FRY: variants seen among roughly 807,000 people sequenced by gnomAD.
The protein encoded by FRY is protein furry homolog.
FRY carries 128 observed loss-of-function variants against 348.4 expected under a neutral mutation model. The observed-to-expected ratio is 0.37, with a 90% CI of 0.32 to 0.43. The LOEUF (loss-of-function observed/expected upper bound fraction) is 0.43, where lower values mean the gene tolerates loss of function less well. FRY is among the 20% of genes least tolerant of loss of function. The pLI is 1.00. For synonymous variants in FRY, 1,370 were observed against 1,374.7 expected (o/e 1.00, Z 0.08); for missense variants, 2,736 against 3,695.2 (o/e 0.74, Z 6.73).
In FRY at chr13:32,237,316, A is replaced by G; in HGVS notation, c.5811-63A>G. ...CCTGCAGTGTTTCTCAGTGGACTTG[A>G]AAGGACTGGCTTTTGGTGACACATG... On this transcript the variant is annotated intron_variant, in intron 43 of 60. Coordinates refer to ENST00000542859, the MANE Select transcript of FRY (RefSeq NM_023037.3). This position sits in a 1 kb window ranked among gnomAD's most constrained non-coding sequence, Gnocchi z 6.3. 1 of 1,556,938 alleles carries G rather than the reference A, an allele frequency of 6.4e-7. No individual in the cohort carries two copies. Among genetic ancestry groups the G allele is most frequent in the Non-Finnish European group, 8.8e-7 (1 of 1,134,854 alleles).
chr13:32,288,924 T>C (rs919181654), intron 58 of FRY, among the ~76,000 whole-genome samples: 3 of 152,226 alleles, frequency 2.0e-5, no homozygotes, highest in African/African-American at 7.2e-5. Context: ...CCTCATACTA[T>C]ACATAAGCTG....
Position 32,289,677 on chromosome 13 carries a change from G to C in FRY, c.8514G>C (p.Leu2838=), listed in dbSNP as rs562993917. ...CQRLYKLHFQ[L]LLLFQSYCKL... Reference sequence around the variant, plus strand: ...GATTATATAAGCTACACTTCCAGCTGCTATTGCTTTTTCAGTCCTACTGTA... The same window carrying C: ...GATTATATAAGCTACACTTCCAGCTCCTATTGCTTTTTCAGTCCTACTGTA... Residue 2838 remains leucine, a synonymous_variant, in exon 59 of 61, where the codon CTG becomes CTC. Transcript: ENST00000542859. 399 of 1,612,736 alleles carry C rather than the reference G, an allele frequency of 2.5e-4. 2 individuals are homozygous for C. The South Asian group carries it at 4.2e-3, about 17-fold the overall frequency.
At chr13:32,270,490 C>T (rs1321459092) in intron 55 of FRY, among the ~76,000 whole-genome samples, 3 of 152,138 alleles carry the variant, frequency 2.0e-5, no homozygotes, top group East Asian at 1.9e-4. Flanking sequence ...TACAGGCATG[C>T]GCCACGGCGC....
chr13:32,282,677 G>A (rs910168418), intron 58 of FRY, among the ~76,000 whole-genome samples: 2 of 152,124 alleles, frequency 1.3e-5, no homozygotes, highest in Non-Finnish European at 2.9e-5. Context: ...TCTTTGTTGG[G>A]TGCTGAATAT....
intron 17 of FRY, among the ~76,000 whole-genome samples, chr13:32,169,138 C>G (rs1881915201): frequency 6.6e-6 from 1 of 152,178 alleles, no homozygotes; most frequent in South Asian, 2.1e-4. Context: ...TATCTTTGGC[C>G]TCTGTCTGCC....
chr13:32,137,417 A>C (rs1879789229), intron 11 of FRY, among the ~76,000 whole-genome samples: 1 of 152,136 alleles, frequency 6.6e-6, no homozygotes, highest in African/African-American at 2.4e-5. Context: ...AATTCTAAAT[A>C]TTTTGCTCAG....
chr13:32,171,015 C>G lies in FRY; in HGVS notation c.1896C>G (p.Leu632=), dbSNP rs188902083. The change falls in exon 18 of 61, where the codon CTC becomes CTG. Residue 632 remains leucine (L), a synonymous_variant. Coordinates refer to ENST00000542859, the MANE Select transcript of FRY (RefSeq NM_023037.3). ...KLELIDLLAR[L]SIHMDDELRH... ...TTTTCCTTTATTCGTTTCACAGGCT[C>G]TCTATTCATATGGATGATGAATTGC... 2.5e-6 allele frequency: 4 copies of G among 1,604,310 alleles called. No individual in the cohort carries two copies. Among genetic ancestry groups the G allele is most frequent in the African/African-American group, 1.3e-5 (1 of 74,702 alleles).
intron 31 of FRY, among the ~76,000 whole-genome samples, chr13:32,208,580 T>C (rs550828193): frequency 3.4e-4 from 52 of 152,290 alleles, no homozygotes; most frequent in African/African-American, 1.2e-3. Context: ...ATATACATCT[T>C]CCGCTAGCAG....
chr13:32,250,141 C>T (rs981597101), intron 49 of FRY, among the ~76,000 whole-genome samples: 4 of 152,308 alleles, frequency 2.6e-5, no homozygotes, highest in Middle Eastern at 3.4e-3. Flanking sequence ...TGTCCATGCA[C>T]GGGCTGAGCC....
chr13:32,097,315 T>C (rs1443918064), intron 2 of FRY, among the ~76,000 whole-genome samples: 1 of 151,988 alleles, frequency 6.6e-6, no homozygotes, highest in African/African-American at 2.4e-5. Flanking sequence ...GTTTCTAGTA[T>C]GTATAAAAGA....
At position 32,209,129 on chromosome 13, in the gene FRY, G is replaced by A. The variant is rs1324475879; in HGVS notation, c.4275+20G>A. ...GCCAAGGTAAACTCAGAGGAATTGT[G>A]CTTCAAATAGCATGGCTCCATCATC... On this transcript the variant is annotated intron_variant, in intron 32 of 60. Coordinates refer to ENST00000542859, the MANE Select transcript of FRY (RefSeq NM_023037.3). 6.2e-7 allele frequency: 1 copy of A among 1,613,742 alleles called. No homozygotes were observed. The highest frequency in any genetic ancestry group is 8.5e-7 in the Non-Finnish European group (1 of 1,179,938).
intron 2 of FRY, 86 bp from the exon 3 acceptor site, chr13:32,101,877 G>GA (rs958202182): frequency 1.4e-4 from 117 of 832,456 alleles, no homozygotes; most frequent in Non-Finnish European, 2.3e-4. Flanking sequence ...AAATGAGTGA[G>GA]AAAAAATGGA....
intron 17 of FRY, among the ~76,000 whole-genome samples, chr13:32,170,137 A>G (rs1424871956): frequency 2.0e-5 from 3 of 152,212 alleles, no homozygotes; most frequent in Non-Finnish European, 1.5e-5. Context: ...TTAGGACCAC[A>G]GGCCTGACTC....
chr13:32,093,977 T>A (rs1441607700), intron 2 of FRY, among the ~76,000 whole-genome samples: 2 of 152,280 alleles, frequency 1.3e-5, no homozygotes, highest in Non-Finnish European at 2.9e-5. Flanking sequence ...TGAAGTATAC[T>A]GTTCTTACTT....
intron 41 of FRY, among the ~76,000 whole-genome samples, chr13:32,231,575 C>T (rs922450928): frequency 6.6e-6 from 1 of 152,220 alleles, no homozygotes; most frequent in Non-Finnish European, 1.5e-5. Context: ...GTGCCTATAA[C>T]ATTTTCTTTA....
chr13:32,220,570 G>A (rs931692981), intron 36 of FRY, among the ~76,000 whole-genome samples: 2 of 152,244 alleles, frequency 1.3e-5, no homozygotes, highest in Non-Finnish European at 2.9e-5. Flanking sequence ...AGTAGTACTT[G>A]AGAAATGGAG....
rs186744917 is a variant in FRY at position 32,047,718 on chromosome 13, G to A, written c.70+15853G>A. 3.1e-3 allele frequency among the ~76,000 whole-genome samples: 418 copies of A among 133,614 alleles called. 3 individuals carry two copies. The highest frequency in any genetic ancestry group is 0.011 in the African/African-American group (398 of 34,672). 87.7% of individuals were successfully genotyped at this position (133,614 alleles called of 152,430 possible). On this transcript the variant is annotated intron_variant, in intron 1 of 60. Transcript: ENST00000542859. ...CCCAAGTAGCTGGGATTATAGGCACGCACCACCACTCCTGGCTAGTTTTTT... is the reference window on the plus strand; with the variant it reads ...CCCAAGTAGCTGGGATTATAGGCACACACCACCACTCCTGGCTAGTTTTTT...
intron 2 of FRY, among the ~76,000 whole-genome samples, chr13:32,079,796 C>T (rs936296242): frequency 6.6e-6 from 1 of 152,160 alleles, no homozygotes; most frequent in Admixed American, 6.5e-5. Context: ...CAGGGCCACA[C>T]ACCATAAAAG....
At chr13:32,152,103 A>G (rs988134166) in intron 14 of FRY, among the ~76,000 whole-genome samples, 1 of 152,226 alleles carries the variant, frequency 6.6e-6, no homozygotes, top group Non-Finnish European at 1.5e-5. Context: ...AGAGAAATCA[A>G]AGAAGACCCA....
Sources: allele counts gnomAD v4.1 joint callset (sites outside exome capture counted in the v4.1 genomes callset), GRCh38; gene constraint gnomAD v4.1.1; non-coding constraint Gnocchi (gnomAD v3.1); transcripts MANE v1.5; gene names NCBI Gene and HGNC (gene_info 2026-07-23, HGNC 2026-07-21).